PAPOLA: variants seen among roughly 807,000 people sequenced by gnomAD.
PAPOLA encodes poly(A) polymerase alpha, also known as polynucleotide adenylyltransferase alpha.
PAPOLA carries 15 observed loss-of-function variants against 100.6 expected under a neutral mutation model. The ratio of observed to expected loss-of-function variants is 0.15; its 90% CI spans 0.10 to 0.23. The LOEUF (loss-of-function observed/expected upper bound fraction) is 0.23. Ranked by LOEUF, PAPOLA falls within the 10% of genes least tolerant of loss-of-function variation. The pLI, the probability that PAPOLA is intolerant of heterozygous loss-of-function variation, is 1.00. For synonymous variants in PAPOLA, 293 were observed against 300.0 expected (o/e 0.98, Z 0.24); for missense variants, 533 against 884.2 (o/e 0.60, Z 5.04).
chr14:96,552,793 T>C, intron 17 of PAPOLA, 171 bp downstream of exon 17: 1 of 599,466 alleles, frequency 1.7e-6, no homozygotes, highest in Non-Finnish European at 2.9e-6. Flanking sequence ...CTTTTTGGTT[T>C]TGTCTTGTCA....
chr14:96,556,204 GC>G lies in PAPOLA; in HGVS notation c.1797del (p.Thr600HisfsTer23). ...ATCGAGTGAAAGCATTCCTCAAACT[GC>G]CACACAACCAGCCATTTCTCCACCA... is the stretch of plus-strand genomic sequence containing the variant. ...GTSSESIPQT[A>X]TQPAISPPPK... On this transcript the variant is annotated frameshift_variant, in exon 19 of 22. Transcript: ENST00000216277. LOFTEE classifies it high-confidence loss of function. The G allele has an allele frequency of 6.2e-7, 1 of 1,613,972 alleles. No homozygotes were observed.
intron 6 of PAPOLA, among the ~76,000 whole-genome samples, chr14:96,529,712 ACT>A (rs1188389593): frequency 3.3e-5 from 5 of 152,014 alleles, no homozygotes; most frequent in Admixed American, 2.6e-4. Flanking sequence ...ACAGAGCAAG[ACT>A]CTGTCTAAAA....
rs547283064 is a variant in PAPOLA, at chr14:96,555,630, AAC to A, written c.1665-215_1665-214del. On this transcript the variant is annotated intron_variant, in intron 17 of 21. Coordinates refer to ENST00000216277, the MANE Select transcript of PAPOLA (RefSeq NM_032632.5). ...AGAACATTCTGTCATCTCAGGAAGT[AAC>A]ATTAGACAGTGCTGCTTTAGAAGGT... is the stretch of plus-strand genomic sequence containing the variant. Among the ~76,000 whole-genome samples the A allele has an allele frequency of 1.1e-3, 170 of 152,200 alleles. 1 individual carries two copies. The highest frequency in any genetic ancestry group is 1.2e-3 in the Non-Finnish European group (85 of 68,036).
At chr14:96,549,903 A>G (rs1361256615) in intron 16 of PAPOLA, among the ~76,000 whole-genome samples, 1 of 152,188 alleles carries the variant, frequency 6.6e-6, no homozygotes. Flanking sequence ...TTGTAATCCC[A>G]GTGACTTGTG....
In PAPOLA at chr14:96,565,358, T is replaced by TG; in HGVS notation, c.*309dup. On this transcript the variant is annotated 3_prime_UTR_variant, in exon 22 of 22. Transcript: ENST00000216277. ...ACATCTGGATTGGGTTTATGTTTGATGCATTGTTTGGAAAATTTGCAATAC... is the reference window on the plus strand; with the variant it reads ...ACATCTGGATTGGGTTTATGTTTGATGGCATTGTTTGGAAAATTTGCAATAC... The TG allele has an allele frequency of 3.3e-6, 1 of 303,258 alleles. No homozygotes were observed. Among genetic ancestry groups the TG allele is most frequent in the South Asian group, 1.5e-4 (1 of 6,692 alleles). The allele number at this position is 303,258 out of a possible 1,614,324, so 18.8% of individuals were successfully genotyped here.
chr14:96,550,869 A>G (rs1014660790), intron 16 of PAPOLA, among the ~76,000 whole-genome samples: 2 of 152,226 alleles, frequency 1.3e-5, no homozygotes, highest in African/African-American at 4.8e-5. Flanking sequence ...TCCTTTTATT[A>G]ACTGCTTTTT....
chr14:96,524,489 G>A (rs12586789), intron 3 of PAPOLA, among the ~76,000 whole-genome samples: 7 of 150,186 alleles, frequency 4.7e-5, no homozygotes, highest in African/African-American at 7.4e-5. Context: ...TCCCCTTCCC[G>A]TTCCCCTTCC....
At chr14:96,554,313 A>G (rs757716008) in intron 17 of PAPOLA, among the ~76,000 whole-genome samples, 3 of 152,290 alleles carry the variant, frequency 2.0e-5, no homozygotes, top group South Asian at 2.1e-4. Context: ...CTGGCCAACT[A>G]TCCTTTTCTT....
At chr14:96,511,039 A>G (rs1382328897) in intron 1 of PAPOLA, among the ~76,000 whole-genome samples, 1 of 152,242 alleles carries the variant, frequency 6.6e-6, no homozygotes, top group Non-Finnish European at 1.5e-5. Flanking sequence ...ATGAATTGTT[A>G]CTTTAAATAA....
chr14:96,523,666 C>G (rs189232894), intron 3 of PAPOLA, among the ~76,000 whole-genome samples: 1 of 152,246 alleles, frequency 6.6e-6, no homozygotes, highest in East Asian at 1.9e-4. Flanking sequence ...AACATTACAG[C>G]CAGGCGCAGT....
rs1198713896 is a variant in PAPOLA, at chr14:96,521,091, A to G, written c.249+19A>G. On this transcript the variant is annotated intron_variant, in intron 3 of 21. Coordinates refer to ENST00000216277, the MANE Select transcript of PAPOLA (RefSeq NM_032632.5). ...AAGCAAGGTAAGGCAACTTTTTTGT[A>G]TATGAAATAATTTCATATATAGCCA... 6.5e-6 allele frequency: 8 copies of G among 1,223,414 alleles called. No homozygotes were observed. The highest frequency in any genetic ancestry group is 2.3e-5 in the East Asian group (1 of 42,910). 75.8% of individuals were successfully genotyped at this position (1,223,414 alleles called of 1,614,324 possible). A position where few individuals can be genotyped will look rare whatever the true frequency, so the allele number is the denominator to read the frequency against.
At chr14:96,506,609 G>C (rs1172339741) in intron 1 of PAPOLA, among the ~76,000 whole-genome samples, 4 of 152,154 alleles carry the variant, frequency 2.6e-5, no homozygotes, top group African/African-American at 9.7e-5. Context: ...TCATGAGCTT[G>C]ACGGTTTTTC....
At chr14:96,531,733 A>G in intron 7 of PAPOLA, 147 bp downstream of exon 7, 4 of 1,493,034 alleles carry the variant, frequency 2.7e-6, no homozygotes, top group South Asian at 2.6e-5. Context: ...AATAAACTAC[A>G]GAAGAGTATG....
intron 21 of PAPOLA, among the ~76,000 whole-genome samples, chr14:96,563,483 C>T (rs1303637063): frequency 6.6e-6 from 1 of 151,972 alleles, no homozygotes; most frequent in Non-Finnish European, 1.5e-5. Context: ...TTTCTTGAAT[C>T]CTTTCACATG....
intron 1 of PAPOLA, among the ~76,000 whole-genome samples, chr14:96,512,469 A>G (rs1897169855): frequency 6.6e-6 from 1 of 152,228 alleles, no homozygotes; most frequent in Admixed American, 6.5e-5. Flanking sequence ...ATAGGCTATG[A>G]TATCAGCTAT....
At chr14:96,542,633 T>C in intron 13 of PAPOLA, 141 bp from the exon 14 acceptor site, 1 of 740,702 alleles carries the variant, frequency 1.4e-6, no homozygotes, top group Non-Finnish European at 2.1e-6. Flanking sequence ...CCCCGTTGTT[T>C]GGCAATTTTG....
At chr14:96,521,662 A>AT (rs765077044) in intron 3 of PAPOLA, among the ~76,000 whole-genome samples, 47 of 152,084 alleles carry the variant, frequency 3.1e-4, no homozygotes, top group South Asian at 4.1e-4. Flanking sequence ...GGCTAATGGT[A>AT]TATGTGGAGT....
At position 96,535,970 on chromosome 14, in the gene PAPOLA, G is replaced by A. The variant is rs1457741167; in HGVS notation, c.1001G>A (p.Arg334Gln). 1 of 1,605,876 alleles carries A rather than the reference G, an allele frequency of 6.2e-7. No homozygotes were observed. The change falls in exon 11 of 22, where the codon CGG becomes CAG. Residue 334 changes from arginine to glutamine, a missense_variant. Arg to Gln is a conservative substitution (Grantham distance 43). Around this residue, in one of 9 missense-constraint regions of PAPOLA, gnomAD observed 87 missense variants for 173.3 expected, o/e 0.50. Coordinates refer to ENST00000216277, the MANE Select transcript of PAPOLA (RefSeq NM_032632.5). ...NSTYNVSVST[R>Q]MVMVEEFKQG... Reference sequence around the variant, plus strand: ...ACGTACAATGTGTCCGTTTCAACACGGATGGTCATGGTTGAGGAGTTTAAA... The same window carrying A: ...ACGTACAATGTGTCCGTTTCAACACAGATGGTCATGGTTGAGGAGTTTAAA...
chr14:96,539,148 T>C (rs1899772780), intron 12 of PAPOLA, among the ~76,000 whole-genome samples: 1 of 152,066 alleles, frequency 6.6e-6, no homozygotes, highest in African/African-American at 2.4e-5. Flanking sequence ...ATCATTAACA[T>C]TAGGAAATGT....
Sources: allele counts gnomAD v4.1 joint callset (sites outside exome capture counted in the v4.1 genomes callset), GRCh38; gene constraint gnomAD v4.1.1; regional missense constraint gnomAD v4.1.1; transcripts MANE v1.5; gene names NCBI Gene and HGNC (gene_info 2026-07-23, HGNC 2026-07-21).